MVK: variants seen among roughly 807,000 people sequenced by gnomAD.
MVK encodes the protein mevalonate kinase.
A neutral mutation model predicts 43.2 loss-of-function variants in MVK; 34 were observed. The ratio of observed to expected loss-of-function variants is 0.79; its 90% CI spans 0.60 to 1.05. The LOEUF (loss-of-function observed/expected upper bound fraction) is 1.05. Ranked by LOEUF, MVK falls within the 50% of genes least tolerant of loss-of-function variation. The pLI is 0.00. For missense variants in MVK, 395 were observed against 504.0 expected (o/e 0.78, Z 2.07); for synonymous variants, 190 against 219.8 (o/e 0.86, Z 1.20).
chr12:109,595,615 G>A lies in MVK; in HGVS notation c.1039+434G>A, dbSNP rs183359756. 1.3e-5 allele frequency among the ~76,000 whole-genome samples: 2 copies of A among 152,218 alleles called. No individual in the cohort carries two copies. Among genetic ancestry groups the A allele is most frequent in the East Asian group, 3.9e-4 (2 of 5,176 alleles). Reference sequence around the variant, plus strand: ...GTTGGTTTGGGGAAAGAGGAAGACCGAGTAATGGGCTTGGCTTAGGAAGCT... The same window carrying A: ...GTTGGTTTGGGGAAAGAGGAAGACCAAGTAATGGGCTTGGCTTAGGAAGCT... On this transcript the variant is annotated intron_variant, in intron 10 of 10. Coordinates refer to ENST00000228510, the MANE Select transcript of MVK (RefSeq NM_000431.4). The surrounding 1 kb of genome is among the most constrained non-coding windows in gnomAD (Gnocchi z 5.9).
intron 6 of MVK, 60 bp from the exon 7 acceptor site, chr12:109,586,694 C>A: frequency 6.3e-7 from 1 of 1,593,804 alleles, no homozygotes; most frequent in South Asian, 1.1e-5. Context: ...ACCTCTCTCC[C>A]AAGTAGCACA....
rs560892661 is a variant in MVK at position 109,583,388 on chromosome 12, G to A, written c.527+1838G>A. On this transcript the variant is annotated intron_variant, in intron 5 of 10. Transcript: ENST00000228510. ...CTTGCGATAGTTTACTGAGAATGATGATTTCCAATTTCATCCATGTCCCTA... is the reference window on the plus strand; with the variant it reads ...CTTGCGATAGTTTACTGAGAATGATAATTTCCAATTTCATCCATGTCCCTA... Among the ~76,000 whole-genome samples the A allele has an allele frequency of 3.3e-5, 5 of 152,154 alleles. No homozygotes were observed. In the South Asian group the frequency reaches 1.0e-3, roughly 32 times the overall value.
chr12:109,589,735 A>G (rs970025933), intron 7 of MVK: 3 of 152,242 alleles, frequency 2.0e-5, no homozygotes, highest in African/African-American at 7.2e-5. Context: ...GAATAAAGGT[A>G]TCAAGGGCTC....
chr12:109,591,009 G>A (rs1885649535), intron 8 of MVK, 148 bp downstream of exon 8: 2 of 976,858 alleles, frequency 2.0e-6, no homozygotes, highest in Admixed American at 4.0e-5. Context: ...CAGAAAAGAA[G>A]GTACCGTCCG....
intron 5 of MVK, among the ~76,000 whole-genome samples, chr12:109,582,508 C>A (rs1164209504): frequency 2.6e-5 from 4 of 152,182 alleles, no homozygotes; most frequent in African/African-American, 9.6e-5. Context: ...TGTGCACTTG[C>A]ATGTGTGTGT....
At chr12:109,583,954 A>C (rs1885334787) in intron 5 of MVK, among the ~76,000 whole-genome samples, 2 of 152,222 alleles carry the variant, frequency 1.3e-5, no homozygotes, top group Non-Finnish European at 2.9e-5. Context: ...TGCTGAATGA[A>C]TAAGTGAGTG....
At chr12:109,586,919 A>G (rs958907356) in intron 7 of MVK, 120 bp downstream of exon 7, 93 of 1,216,240 alleles carry the variant, frequency 7.6e-5, no homozygotes, top group Admixed American at 6.8e-4. Flanking sequence ...TCATCCCCCA[A>G]TGTGGCCCTC....
chr12:109,589,269 G>A (rs2136242130), intron 7 of MVK: 1 of 152,404 alleles, frequency 6.6e-6, no homozygotes, highest in African/African-American at 2.4e-5. Flanking sequence ...TAAGAAAGAT[G>A]AAGATGCAAC....
At chr12:109,573,497 C>A, upstream of MVK, 2 of 1,591,618 alleles carry the variant, frequency 1.3e-6, no homozygotes, top group African/African-American at 2.7e-5. Flanking sequence ...GGCTGCTTGA[C>A]GGGACCTGAC....
At position 109,575,990 on chromosome 12, in the gene MVK, T is replaced by A. The variant is rs780491075; in HGVS notation, c.79-8T>A. On this transcript the variant is annotated splice_polypyrimidine_tract_variant and splice_region_variant and intron_variant, in intron 2 of 10. Transcript: ENST00000228510. The stretch of plus-strand genomic sequence containing the variant: ...TCAGGCTTATTGCTTTTGTCATTTA[T>A]TCTATAGGTAGCACTGGCTGTATCC... 4 of 1,614,190 alleles carry A rather than the reference T, an allele frequency of 2.5e-6. No individual in the cohort carries two copies. The East Asian group carries it at 6.7e-5, about 27-fold the overall frequency.
intron 7 of MVK, chr12:109,590,217 TG>T (rs1005194633): frequency 5.0e-6 from 1 of 200,540 alleles, no homozygotes; most frequent in African/African-American, 2.3e-5. Flanking sequence ...GCCTGTTGCT[TG>T]GTCTTTCTAA....
intron 9 of MVK, among the ~76,000 whole-genome samples, chr12:109,592,897 G>A (rs539139864): frequency 2.0e-5 from 3 of 152,184 alleles, no homozygotes; most frequent in South Asian, 2.1e-4. Context: ...CAGTCCCCCC[G>A]AGTAGGAAAT....
In MVK at chr12:109,595,300, C is replaced by T. The variant is rs1885870876; in HGVS notation, c.1039+119C>T. 3.8e-6 allele frequency: 5 copies of T among 1,323,770 alleles called. No individual in the cohort carries two copies. Among genetic ancestry groups the T allele is most frequent in the Non-Finnish European group, 5.2e-6 (5 of 970,856 alleles). The allele number at this position is 1,323,770 out of a possible 1,614,324, so 82.0% of individuals were successfully genotyped here. A position where few individuals can be genotyped will look rare whatever the true frequency, so the allele number is the denominator to read the frequency against. On this transcript the variant is annotated intron_variant, in intron 10 of 10. Coordinates refer to ENST00000228510, the MANE Select transcript of MVK (RefSeq NM_000431.4). This position sits in a 1 kb window ranked among gnomAD's most constrained non-coding sequence, Gnocchi z 5.9. ...ACAGGTCTCAGCTCCGCTGTGTGGC[C>T]TTGGGCAAGTTAGTTAACCTCTGGT...
chr12:109,586,911 A>G, intron 7 of MVK, 112 bp downstream of exon 7: 1 of 1,325,238 alleles, frequency 7.5e-7, no homozygotes. Context: ...CTGGCTCTTC[A>G]TCCCCCAATG....
chr12:109,574,953 A>T (rs1204665418), intron 2 of MVK, 53 bp downstream of exon 2: 1 of 1,539,626 alleles, frequency 6.5e-7, no homozygotes, highest in Admixed American at 1.9e-5. Flanking sequence ...CCCTGATGCT[A>T]ATTTTGTAAG....
At chr12:109,590,582 C>T (rs1177550960) in intron 7 of MVK, 189 bp from the exon 8 acceptor site, 1 of 648,700 alleles carries the variant, frequency 1.5e-6, no homozygotes, top group African/African-American at 1.8e-5. Context: ...GGCCACCCAA[C>T]CAGTGCCTGG....
chr12:109,581,621 G>C, intron 5 of MVK, 71 bp downstream of exon 5: 2 of 1,603,180 alleles, frequency 1.2e-6, no homozygotes, highest in Admixed American at 3.4e-5. Context: ...CTCTCACTGA[G>C]ACCTCACCAC....
In MVK at chr12:109,581,557, A is replaced by G. The variant is rs1885221045; in HGVS notation, c.527+7A>G. Reference sequence around the variant, plus strand: ...ACGGGGATTGCGTCAACAGGTAACCATGGTCCTTACCTGGCCAGTGTCCCT... The same window carrying G: ...ACGGGGATTGCGTCAACAGGTAACCGTGGTCCTTACCTGGCCAGTGTCCCT... On this transcript the variant is annotated splice_region_variant and intron_variant, in intron 5 of 10. Coordinates refer to ENST00000228510, the MANE Select transcript of MVK (RefSeq NM_000431.4). 1.2e-6 allele frequency: 2 copies of G among 1,614,190 alleles called. No individual in the cohort carries two copies. Among genetic ancestry groups the G allele is most frequent in the East Asian group, 2.2e-5 (1 of 44,876 alleles).
chr12:109,596,172 C>T (rs541606148), intron 10 of MVK, among the ~76,000 whole-genome samples: 3 of 152,346 alleles, frequency 2.0e-5, no homozygotes, highest in African/African-American at 7.2e-5. Context: ...ACGGCCAGTA[C>T]AAGGCAAGGC....
Sources: gnomAD v4.1 joint callset for allele counts (sites outside exome capture counted in the v4.1 genomes callset) on GRCh38, gnomAD v4.1.1 for gene constraint, Gnocchi (gnomAD v3.1) non-coding constraint, MANE v1.5 for transcripts, NCBI Gene and HGNC (gene_info 2026-07-23, HGNC 2026-07-21) for gene names.